Variants in DYNC1I1 observed in about 807,000 individuals in gnomAD.
DYNC1I1 encodes the protein cytoplasmic dynein 1 intermediate chain 1.
In DYNC1I1, 43 loss-of-function variants were observed where a neutral mutation model predicts 86.6. The ratio of observed to expected loss-of-function variants is 0.50; its 90% CI spans 0.39 to 0.64. The LOEUF is 0.64. Among genes scored for constraint, DYNC1I1 ranks in the 30% least tolerant of loss-of-function variants. The pLI, the probability that DYNC1I1 is intolerant of heterozygous loss-of-function variation, is 0.00. For missense variants in DYNC1I1, 604 were observed against 788.8 expected, an observed-to-expected ratio of 0.77 and a Z score of 2.81; for synonymous variants, 262 against 283.7, an observed-to-expected ratio of 0.92 and a Z score of 0.77.
intron 6 of DYNC1I1, among the ~76,000 whole-genome samples, chr7:95,957,325 C>G (rs1181305742): frequency 1.3e-5 from 2 of 152,114 alleles, no homozygotes; most frequent in African/African-American, 4.8e-5. Flanking sequence ...AAGTGAATTT[C>G]AGAACAATCT....
intron 10 of DYNC1I1, among the ~76,000 whole-genome samples, chr7:96,017,525 G>A (rs1224766791): frequency 6.6e-6 from 1 of 152,080 alleles, no homozygotes; most frequent in Non-Finnish European, 1.5e-5. Flanking sequence ...CTAAATGCAA[G>A]CCATCCTTTT....
rs151040264 is a variant in DYNC1I1, at chr7:95,902,980, C to T, written c.490+32982C>T. On this transcript the variant is annotated intron_variant, in intron 6 of 16. Coordinates refer to ENST00000447467, the MANE Select transcript of DYNC1I1 (RefSeq NM_001135556.2). ...AGTGTTTTTGTTTTTAGAAAAGCAC[C>T]GGCTGTTTCCAGGCTGACTCAGGAA... is the stretch of plus-strand genomic sequence containing the variant. Among the ~76,000 whole-genome samples the T allele has an allele frequency of 3.8e-3, 579 of 152,200 alleles. 2 individuals carry two copies. Among genetic ancestry groups the T allele is most frequent in the Non-Finnish European group, 5.6e-3 (383 of 68,012 alleles).
chr7:95,828,024 CTG>C (rs753254659), intron 4 of DYNC1I1, 31 bp from the exon 5 acceptor site: 77 of 1,612,196 alleles, frequency 4.8e-5, no homozygotes, highest in Non-Finnish European at 6.4e-5. Flanking sequence ...TGTTAATTCT[CTG>C]TGTTCTTTTT....
At chr7:95,912,210 T>C (rs1029510758) in intron 6 of DYNC1I1, among the ~76,000 whole-genome samples, 1 of 152,080 alleles carries the variant, frequency 6.6e-6, no homozygotes, top group Non-Finnish European at 1.5e-5. Context: ...CTAATTTTTG[T>C]ATTATTAGTA....
chr7:95,867,484 A>G (rs1388684912), intron 5 of DYNC1I1, among the ~76,000 whole-genome samples: 1 of 152,216 alleles, frequency 6.6e-6, no homozygotes, highest in Non-Finnish European at 1.5e-5. Flanking sequence ...TTTCAGAATG[A>G]GTGCATGACA....
intron 16 of DYNC1I1, among the ~76,000 whole-genome samples, chr7:96,085,908 C>T (rs535532670): frequency 6.6e-6 from 1 of 152,034 alleles, no homozygotes; most frequent in South Asian, 2.1e-4. Context: ...TATTAATATA[C>T]CTGAAAACAG....
intron 6 of DYNC1I1, among the ~76,000 whole-genome samples, chr7:95,953,752 C>A: frequency 6.6e-6 from 1 of 152,144 alleles, no homozygotes. Flanking sequence ...CTGCAGTTTG[C>A]CGTTCTTGCT....
intron 1 of DYNC1I1, among the ~76,000 whole-genome samples, chr7:95,798,372 G>A (rs576270867): frequency 1.6e-4 from 24 of 152,042 alleles, no homozygotes; most frequent in African/African-American, 5.8e-4. Context: ...GTGGGCTCAC[G>A]GTGGTCGTCT....
In DYNC1I1 at chr7:95,804,767, G is replaced by A. The variant is rs868588293; in HGVS notation, c.38G>A (p.Arg13His). The A allele has an allele frequency of 2.5e-6, 4 of 1,599,330 alleles. No homozygotes were observed. The highest frequency in any genetic ancestry group is 2.3e-5 in the East Asian group (1 of 44,264). ...AGTGACTTAAAAGCTGAGCTAGAGC[G>A]CAAAAAGCAGCGCTTAGCACAGATA... is the stretch of plus-strand genomic sequence containing the variant. ...DKSDLKAELE[R>H]KKQRLAQIRE... Residue 13 changes from arginine to histidine, a missense_variant, in exon 2 of 17, where the codon CGC becomes CAC. Physicochemically the swap from Arg to His is conservative, Grantham distance 29. Coordinates refer to ENST00000447467, the MANE Select transcript of DYNC1I1 (RefSeq NM_001135556.2).
At chr7:95,943,302 A>G (rs1016078688) in intron 6 of DYNC1I1, among the ~76,000 whole-genome samples, 9 of 151,374 alleles carry the variant, frequency 5.9e-5, no homozygotes, top group Non-Finnish European at 5.9e-5. Flanking sequence ...AATACCTAGG[A>G]ATCCAACTTA....
chr7:96,061,695 C>T (rs1789777133), intron 14 of DYNC1I1, among the ~76,000 whole-genome samples: 1 of 129,432 alleles, frequency 7.7e-6, no homozygotes, highest in South Asian at 2.3e-4. Flanking sequence ...CCCTCCCTCC[C>T]TCTCTCTCTC....
chr7:96,061,469 G>A (rs1789764257), intron 14 of DYNC1I1, among the ~76,000 whole-genome samples: 1 of 152,092 alleles, frequency 6.6e-6, no homozygotes, highest in African/African-American at 2.4e-5. Flanking sequence ...GGGCATTGGG[G>A]AAAGTGAGTT....
intron 6 of DYNC1I1, among the ~76,000 whole-genome samples, chr7:95,924,727 G>T (rs1791696794): frequency 6.6e-6 from 1 of 152,170 alleles, no homozygotes; most frequent in Non-Finnish European, 1.5e-5. Flanking sequence ...AAACAAAGAT[G>T]TGGAAAGCTA....
chr7:95,902,373 A>G (rs548799759), intron 6 of DYNC1I1, among the ~76,000 whole-genome samples: 1 of 152,296 alleles, frequency 6.6e-6, no homozygotes, highest in African/African-American at 2.4e-5. Flanking sequence ...ATGTTTATAT[A>G]TATTTAAATG....
chr7:96,085,513 G>A (rs1277938909), intron 16 of DYNC1I1, among the ~76,000 whole-genome samples: 1 of 152,080 alleles, frequency 6.6e-6, no homozygotes, highest in Non-Finnish European at 1.5e-5. Flanking sequence ...TTGGTTGTTT[G>A]ATTTCAGCAT....
At chr7:95,822,494 GTT>G (rs1378503855) in intron 4 of DYNC1I1, among the ~76,000 whole-genome samples, 1 of 152,162 alleles carries the variant, frequency 6.6e-6, no homozygotes, top group Non-Finnish European at 1.5e-5. Flanking sequence ...TATTTTCCAT[GTT>G]GGGAAGCTTC....
chr7:95,818,930 A>C (rs926058396), intron 4 of DYNC1I1: 2 of 157,434 alleles, frequency 1.3e-5, no homozygotes, highest in African/African-American at 4.8e-5. Flanking sequence ...AAATTTCCCC[A>C]ATTGGCCCCA....
At chr7:95,957,930 G>A (rs1014099239) in intron 6 of DYNC1I1, among the ~76,000 whole-genome samples, 10 of 152,180 alleles carry the variant, frequency 6.6e-5, no homozygotes, top group South Asian at 6.2e-4. Context: ...TATCCAGCTC[G>A]TCACAATTGC....
At chr7:95,993,007 G>A (rs34598928) in intron 9 of DYNC1I1, among the ~76,000 whole-genome samples, 5,444 of 152,188 alleles carry the variant, frequency 0.036, 136 homozygotes, top group Middle Eastern at 0.088. Flanking sequence ...GTAAGTATTG[G>A]ATAATTCAGC....
Sources: allele counts gnomAD v4.1 joint callset (sites outside exome capture counted in the v4.1 genomes callset), GRCh38; gene constraint gnomAD v4.1.1; transcripts MANE v1.5; gene names NCBI Gene and HGNC (gene_info 2026-07-23, HGNC 2026-07-21).